Variants in SUGCT observed in about 807,000 individuals in gnomAD.
The protein encoded by SUGCT is succinyl-CoA:glutarate CoA-transferase.
SUGCT carries 41 observed loss-of-function variants against 55.0 expected under a neutral mutation model. That is an observed-to-expected ratio of 0.74 (90% CI 0.58 to 0.97). The LOEUF is 0.97. Among genes scored for constraint, SUGCT ranks in the 50% least tolerant of loss-of-function variants. The probability of loss-of-function intolerance (pLI) is 0.00; values close to 1 mark genes in which losing one functional copy is unlikely to be tolerated. For missense variants in SUGCT, 568 were observed against 547.8 expected (o/e 1.04, Z -0.37); for synonymous variants, 187 against 200.4 (o/e 0.93, Z 0.56).
At chr7:40,677,536 A>G (rs987107032) in intron 12 of SUGCT, among the ~76,000 whole-genome samples, 1 of 152,186 alleles carries the variant, frequency 6.6e-6, no homozygotes. Flanking sequence ...TTCATAGCAG[A>G]AACTGGGAGG....
At chr7:40,517,248 A>AAATAT (rs1793292740) in intron 12 of SUGCT, among the ~76,000 whole-genome samples, 1 of 150,578 alleles carries the variant, frequency 6.6e-6, no homozygotes, top group Admixed American at 6.6e-5. Context: ...TTCGATGTGA[A>AAATAT]TTCCTTAGGA....
At chr7:40,737,116 T>C (rs1300453934) in intron 12 of SUGCT, among the ~76,000 whole-genome samples, 14 of 152,198 alleles carry the variant, frequency 9.2e-5, no homozygotes, top group Non-Finnish European at 8.8e-5. Context: ...GCAGGGGCAC[T>C]GCAGGATGTT....
At chr7:40,671,832 G>A (rs777786589) in intron 12 of SUGCT, among the ~76,000 whole-genome samples, 15 of 152,038 alleles carry the variant, frequency 9.9e-5, no homozygotes, top group Non-Finnish European at 1.6e-4. Flanking sequence ...ACATAAACAA[G>A]CTTATTCTAA....
chr7:40,768,021 A>G (rs1197817910), intron 13 of SUGCT, among the ~76,000 whole-genome samples: 1 of 152,250 alleles, frequency 6.6e-6, no homozygotes. Context: ...GTCTGAAGAC[A>G]TAGTGAGGAC....
At chr7:40,359,909 G>T (rs1798065763) in intron 9 of SUGCT, among the ~76,000 whole-genome samples, 1 of 152,130 alleles carries the variant, frequency 6.6e-6, no homozygotes, top group Non-Finnish European at 1.5e-5. Flanking sequence ...CATAATACAA[G>T]CTCATTATGG....
chr7:40,805,179 A>G (rs1791026628), intron 13 of SUGCT, among the ~76,000 whole-genome samples: 1 of 152,164 alleles, frequency 6.6e-6, no homozygotes. Context: ...GCTAGTTAAT[A>G]TACTGCAAAG....
At chr7:40,385,780 T>G (rs1352625441) in intron 9 of SUGCT, among the ~76,000 whole-genome samples, 3 of 152,222 alleles carry the variant, frequency 2.0e-5, no homozygotes, top group Admixed American at 2.0e-4. Flanking sequence ...TCTCTTTCTA[T>G]TTTTTAAATG....
At chr7:40,824,475 C>T (rs1792210232) in intron 13 of SUGCT, among the ~76,000 whole-genome samples, 1 of 152,036 alleles carries the variant, frequency 6.6e-6, no homozygotes, top group Non-Finnish European at 1.5e-5. Flanking sequence ...AAAATGATGG[C>T]TATGGTTGAG....
intron 13 of SUGCT, among the ~76,000 whole-genome samples, chr7:40,819,877 T>C (rs995003958): frequency 4.6e-5 from 7 of 151,984 alleles, no homozygotes; most frequent in Non-Finnish European, 1.0e-4. Context: ...TCTTCTAGGG[T>C]TTTTATGGTT....
At chr7:40,566,945 A>G (rs1796189828) in intron 12 of SUGCT, among the ~76,000 whole-genome samples, 1 of 152,210 alleles carries the variant, frequency 6.6e-6, no homozygotes, top group South Asian at 2.1e-4. Context: ...TATTGCTGTT[A>G]TGTTCAACTG....
the SUGCT span, among the ~76,000 whole-genome samples, chr7:40,909,100 T>A: frequency 6.6e-6 from 1 of 152,198 alleles, no homozygotes; most frequent in Non-Finnish European, 1.5e-5. Context: ...GCATGTATAC[T>A]GCAAGCACAA....
intron 13 of SUGCT, among the ~76,000 whole-genome samples, chr7:40,811,135 C>T (rs1467582001): frequency 6.6e-6 from 1 of 152,092 alleles, no homozygotes; most frequent in East Asian, 1.9e-4. Flanking sequence ...TGTTTTTGTA[C>T]CAATACCATG....
chr7:40,511,401 A>G (rs144170749), intron 12 of SUGCT, among the ~76,000 whole-genome samples: 1 of 152,308 alleles, frequency 6.6e-6, no homozygotes, highest in African/African-American at 2.4e-5. Flanking sequence ...GCTGAACGAC[A>G]TGACACTTGT....
intron 13 of SUGCT, among the ~76,000 whole-genome samples, chr7:40,761,635 C>T (rs1002601730): frequency 6.6e-6 from 1 of 152,160 alleles, no homozygotes; most frequent in South Asian, 2.1e-4. Flanking sequence ...AGGGAGATAT[C>T]GAAGACCATC....
chr7:40,615,061 A>G (rs1014211104), intron 12 of SUGCT, among the ~76,000 whole-genome samples: 2 of 142,738 alleles, frequency 1.4e-5, no homozygotes, highest in Non-Finnish European at 3.0e-5. Context: ...ATCTCAAAAG[A>G]AAAAAAAAAA....
At chr7:40,714,157 C>T in intron 12 of SUGCT, among the ~76,000 whole-genome samples, 1 of 152,038 alleles carries the variant, frequency 6.6e-6, no homozygotes, top group East Asian at 1.9e-4. Context: ...TGATGAAACC[C>T]TGTCTCTACT....
chr7:40,977,091 T>G, the SUGCT span, among the ~76,000 whole-genome samples: 1 of 152,212 alleles, frequency 6.6e-6, no homozygotes, highest in Non-Finnish European at 1.5e-5. Flanking sequence ...TGTTTTCACC[T>G]TCTGTACTTG....
intron 12 of SUGCT, among the ~76,000 whole-genome samples, chr7:40,528,204 T>C (rs112068725): frequency 4.6e-5 from 7 of 152,174 alleles, no homozygotes; most frequent in Admixed American, 4.6e-4. Flanking sequence ...TGGTACATAA[T>C]AGATGCTCAA....
intron 8 of SUGCT, among the ~76,000 whole-genome samples, chr7:40,297,867 T>C (rs1490901133): frequency 6.6e-6 from 1 of 152,152 alleles, no homozygotes; most frequent in Non-Finnish European, 1.5e-5. Context: ...TTCAAGATGA[T>C]TCATAACAAT....
Sources: gnomAD v4.1 joint callset for allele counts (sites outside exome capture counted in the v4.1 genomes callset) on GRCh38, gnomAD v4.1.1 for gene constraint, MANE v1.5 for transcripts, NCBI Gene and HGNC (gene_info 2026-07-23, HGNC 2026-07-21) for gene names.